Variants in ANKRD13C observed in about 807,000 individuals in gnomAD.
The protein encoded by ANKRD13C is ankyrin repeat domain-containing protein 13C.
In ANKRD13C, 16 loss-of-function variants were observed where a neutral mutation model predicts 65.5. The observed-to-expected ratio is 0.24, with a 90% CI of 0.17 to 0.37. ANKRD13C has a LOEUF of 0.37. ANKRD13C is among the 10% of genes least tolerant of loss of function. The pLI is 1.00. For synonymous variants in ANKRD13C, 235 were observed against 238.7 expected (o/e 0.98, Z 0.14); for missense variants, 503 against 655.9 (o/e 0.77, Z 2.55).
At chr1:70,319,028 A>G (rs2101499178) in intron 3 of ANKRD13C, among the ~76,000 whole-genome samples, 1 of 152,206 alleles carries the variant, frequency 6.6e-6, no homozygotes, top group East Asian at 1.9e-4. Flanking sequence ...CTTCTCTAAA[A>G]ACACTATGTC....
At chr1:70,346,462 G>C (rs72678645) in intron 1 of ANKRD13C, among the ~76,000 whole-genome samples, 17,408 of 151,968 alleles carry the variant, frequency 0.11, 1,207 homozygotes, top group East Asian at 0.33. Flanking sequence ...AGTGAAAAAG[G>C]CAAGCAATGA....
intron 11 of ANKRD13C, among the ~76,000 whole-genome samples, chr1:70,274,304 T>C (rs1256540357): frequency 6.6e-6 from 1 of 151,074 alleles, no homozygotes; most frequent in Non-Finnish European, 1.5e-5. Flanking sequence ...CGAAACCTCA[T>C]CTCTACTAAA....
intron 3 of ANKRD13C, among the ~76,000 whole-genome samples, chr1:70,319,330 G>A (rs1011908295): frequency 3.9e-5 from 6 of 152,070 alleles, no homozygotes; most frequent in Non-Finnish European, 7.3e-5. Flanking sequence ...AAATACAGGG[G>A]CACGGTGGCT....
intron 11 of ANKRD13C, among the ~76,000 whole-genome samples, chr1:70,273,463 G>A (rs1294492699): frequency 6.6e-6 from 1 of 152,096 alleles, no homozygotes; most frequent in Non-Finnish European, 1.5e-5. Context: ...TTTTAAAAAG[G>A]AGCATCCAAT....
chr1:70,278,273 A>G lies in ANKRD13C; in HGVS notation c.1216-1429T>C, dbSNP rs142551929. On this transcript the variant is annotated intron_variant, in intron 9 of 12. Transcript: ENST00000370944. ...TTCGGGAGGTCAAGGCAGGTGGATC[A>G]CTTGAGGTGAGGGGTTCAAGACCAG... 2.7e-3 allele frequency among the ~76,000 whole-genome samples: 412 copies of G among 152,004 alleles called. 1 individual carries two copies. Among genetic ancestry groups the G allele is most frequent in the Non-Finnish European group, 4.4e-3 (298 of 67,956 alleles).
intron 9 of ANKRD13C, among the ~76,000 whole-genome samples, chr1:70,286,257 T>C (rs1445517552): frequency 2.0e-5 from 3 of 152,072 alleles, no homozygotes; most frequent in East Asian, 3.8e-4. Flanking sequence ...AGATTTATAA[T>C]TGAACTCTGA....
At chr1:70,297,078 G>A (rs573907159) in intron 7 of ANKRD13C, among the ~76,000 whole-genome samples, 1 of 152,138 alleles carries the variant, frequency 6.6e-6, no homozygotes, top group Admixed American at 6.5e-5. Context: ...TTCCATAATA[G>A]GCCAAGAAAG....
At chr1:70,353,229 T>G (rs979268747) in intron 1 of ANKRD13C, among the ~76,000 whole-genome samples, 9 of 152,166 alleles carry the variant, frequency 5.9e-5, no homozygotes. Context: ...AAACAAAAAA[T>G]TCAGCTGACA....
Position 70,354,192 on chromosome 1 carries a change from G to C in ANKRD13C, c.217C>G (p.Pro73Ala), listed in dbSNP as rs777891195. The C allele has an allele frequency of 2.5e-6, 4 of 1,613,920 alleles. No individual in the cohort carries two copies. The East Asian group carries it at 8.9e-5, about 36-fold the overall frequency. ...LKAAPASSNP[P>A]GAPALPLHNS... is the part of the protein sequence containing the mutation. ...TGCAGCGGCAGAGCCGGGGCGCCGG[G>C]GGGATTGGAGGAGGCCGGAGCTGCC... Residue 73 changes from proline to alanine, a missense_variant, in exon 1 of 13, where the codon CCC (proline) becomes GCC (alanine). Physicochemically the swap from Pro to Ala is conservative, Grantham distance 27 (BLOSUM62 -1). Coordinates refer to ENST00000370944, the MANE Select transcript of ANKRD13C (RefSeq NM_030816.5).
At chr1:70,342,567 C>T (rs554451335) in intron 1 of ANKRD13C, among the ~76,000 whole-genome samples, 11 of 151,962 alleles carry the variant, frequency 7.2e-5, no homozygotes, top group South Asian at 6.2e-4. Context: ...AAAGAAGAGA[C>T]GTTTACAATC....
chr1:70,265,892 A>G (rs1572011808), intron 12 of ANKRD13C, among the ~76,000 whole-genome samples: 1 of 138,770 alleles, frequency 7.2e-6, no homozygotes, highest in Admixed American at 7.4e-5. Flanking sequence ...GAAGGAATGG[A>G]GGGAGGGAAA....
intron 3 of ANKRD13C, among the ~76,000 whole-genome samples, chr1:70,320,623 C>A (rs1401565769): frequency 1.3e-5 from 2 of 151,514 alleles, no homozygotes; most frequent in Non-Finnish European, 2.9e-5. Flanking sequence ...GCATGCCCCA[C>A]CACACCTGAC....
chr1:70,261,287 T>C lies in ANKRD13C; in HGVS notation c.*1430A>G, dbSNP rs1678381088. ...TTTTTCTTACGGTTTATGCTTTGGA[T>C]TTTTAAATCATATTTTCAATAAGGG... is the stretch of plus-strand genomic sequence containing the variant. On this transcript the variant is annotated 3_prime_UTR_variant, in exon 13 of 13. Transcript: ENST00000370944. The C allele has an allele frequency of 6.6e-6, 1 of 152,106 alleles. No homozygotes were observed. Among genetic ancestry groups the C allele is most frequent in the Admixed American group, 6.6e-5 (1 of 15,264 alleles). The allele number at this position is 152,106 out of a possible 1,614,324, so 9.4% of individuals were successfully genotyped here. A position where few individuals can be genotyped will look rare whatever the true frequency, so the allele number is the denominator to read the frequency against.
chr1:70,344,986 A>AT (rs1682466307), intron 1 of ANKRD13C, among the ~76,000 whole-genome samples: 1 of 152,178 alleles, frequency 6.6e-6, no homozygotes. Context: ...ATAAAAATAA[A>AT]TTATGTTTCT....
chr1:70,263,815 A>T (rs543438144), intron 12 of ANKRD13C, among the ~76,000 whole-genome samples: 23 of 152,278 alleles, frequency 1.5e-4, no homozygotes, highest in East Asian at 1.9e-4. Flanking sequence ...AATCATTTTT[A>T]AAAAAACTCT....
At chr1:70,275,061 A>G (rs1375743502) in intron 10 of ANKRD13C, among the ~76,000 whole-genome samples, 1 of 152,224 alleles carries the variant, frequency 6.6e-6, no homozygotes, top group African/African-American at 2.4e-5. Flanking sequence ...TTCACATTGA[A>G]TATAATTTTA....
At position 70,261,807 on chromosome 1, in the gene ANKRD13C, A is replaced by G. The variant is rs1452982023; in HGVS notation, c.*910T>C. On this transcript the variant is annotated 3_prime_UTR_variant, in exon 13 of 13. Transcript: ENST00000370944. ...ATCCATATTCTACTAAAAACAAACAAAATAATCAGACCGATGTGTACTTAT... is the reference window on the plus strand; with the variant it reads ...ATCCATATTCTACTAAAAACAAACAGAATAATCAGACCGATGTGTACTTAT... 3.3e-5 allele frequency: 5 copies of G among 152,538 alleles called. No individual in the cohort carries two copies. Among genetic ancestry groups the G allele is most frequent in the East Asian group, 1.9e-4 (1 of 5,202 alleles). The allele number at this position is 152,538 out of a possible 1,614,324, so 9.4% of individuals were successfully genotyped here.
chr1:70,319,315 A>G (rs1193686016), intron 3 of ANKRD13C, among the ~76,000 whole-genome samples: 1 of 152,040 alleles, frequency 6.6e-6, no homozygotes, highest in Non-Finnish European at 1.5e-5. Flanking sequence ...TATCATTAAG[A>G]AGCCAAATAC....
intron 2 of ANKRD13C, among the ~76,000 whole-genome samples, chr1:70,334,239 T>A (rs1262022363): frequency 6.6e-6 from 1 of 151,804 alleles, no homozygotes; most frequent in Non-Finnish European, 1.5e-5. Flanking sequence ...GACAAGAGGA[T>A]CACTTGAGCC....
Sources: gnomAD v4.1 joint callset for allele counts (sites outside exome capture counted in the v4.1 genomes callset) on GRCh38, gnomAD v4.1.1 for gene constraint, MANE v1.5 for transcripts, NCBI Gene and HGNC (gene_info 2026-07-23, HGNC 2026-07-21) for gene names.